The following EFCAB6 variants were observed in gnomAD, a reference collection of about 807,000 sequenced individuals.
EFCAB6 encodes the protein EF-hand calcium-binding domain-containing protein 6.
EFCAB6 carries 156 observed loss-of-function variants against 169.8 expected under a neutral mutation model. The observed-to-expected ratio is 0.92, with a 90% CI of 0.81 to 1.05. The LOEUF is 1.05. Among genes scored for constraint, EFCAB6 ranks in the 50% least tolerant of loss-of-function variants. The probability of loss-of-function intolerance (pLI) is 0.00; values close to 1 mark genes in which losing one functional copy is unlikely to be tolerated. For synonymous variants in EFCAB6, 698 were observed against 676.4 expected, an observed-to-expected ratio of 1.03 and a Z score of -0.50; for missense variants, 1,800 against 1,829.1, an observed-to-expected ratio of 0.98 and a Z score of 0.29.
intron 12 of EFCAB6, among the ~76,000 whole-genome samples, chr22:43,682,588 T>A (rs2058047235): frequency 2.0e-5 from 3 of 152,266 alleles, no homozygotes; most frequent in African/African-American, 7.2e-5. Context: ...CCCTGACCAG[T>A]GCTGGAGTGT....
In EFCAB6 at chr22:43,540,247, A is replaced by G; in HGVS notation, c.3759T>C (p.Gly1253=). ...TCCCTCTCTGGGCCACGGCCGAGTCACCAGTGGCCATTGGTGTGGCTGCTG... is the reference window on the plus strand; with the variant it reads ...TCCCTCTCTGGGCCACGGCCGAGTCGCCAGTGGCCATTGGTGTGGCTGCTG... ...SETAATPMAT[G]DSAVAQRGSS... The change falls in exon 28 of 32, where the codon GGT becomes GGC. Residue 1253 remains glycine (G), a synonymous_variant. Transcript: ENST00000262726. The G allele has an allele frequency of 1.2e-6, 2 of 1,614,212 alleles. No individual in the cohort carries two copies. Among genetic ancestry groups the G allele is most frequent in the South Asian group, 2.2e-5 (2 of 91,088 alleles).
rs755145571 is a variant in EFCAB6 at position 43,590,248 on chromosome 22, C to T, written c.2877-19G>A. The stretch of plus-strand genomic sequence containing the variant: ...CTTATCCCTGAAAGAGAGTACATTG[C>T]AGACATACCCTAAAATCAGGAAAAC... On this transcript the variant is annotated intron_variant, in intron 23 of 31. Coordinates refer to ENST00000262726, the MANE Select transcript of EFCAB6 (RefSeq NM_022785.4). 6 of 1,604,312 alleles carry T rather than the reference C, an allele frequency of 3.7e-6. No homozygotes were observed. In the Admixed American group the frequency reaches 8.6e-5, roughly 23 times the overall value.
chr22:43,677,931 A>G, intron 13 of EFCAB6, 65 bp downstream of exon 13: 1 of 1,509,456 alleles, frequency 6.6e-7, no homozygotes, highest in Non-Finnish European at 9.0e-7. Context: ...TGCATCTCTT[A>G]TTAGGAATAC....
chr22:43,544,145 A>G (rs1282996192), intron 27 of EFCAB6, among the ~76,000 whole-genome samples: 1 of 147,142 alleles, frequency 6.8e-6, no homozygotes, highest in African/African-American at 2.5e-5. Context: ...CACGCCCACA[A>G]CTCTTCCCCA....
intron 24 of EFCAB6, among the ~76,000 whole-genome samples, chr22:43,587,882 G>A (rs5764598): frequency 0.73 from 111,321 of 152,118 alleles, 40,872 homozygotes; most frequent in Admixed American, 0.8. Flanking sequence ...GTCTTCTCTC[G>A]TTGGGTTGCC....
chr22:43,548,583 A>T (rs2048209780), intron 27 of EFCAB6, among the ~76,000 whole-genome samples: 1 of 145,670 alleles, frequency 6.9e-6, no homozygotes. Context: ...TCAACTCAGT[A>T]GGAGGCTATA....
chr22:43,794,699 T>C (rs902171450), intron 2 of EFCAB6, among the ~76,000 whole-genome samples: 55 of 152,250 alleles, frequency 3.6e-4, no homozygotes, highest in Middle Eastern at 3.4e-3. Flanking sequence ...CTACATACAG[T>C]TCTAATCAAA....
intron 11 of EFCAB6, 24 bp downstream of exon 11, chr22:43,687,444 TTTG>T (rs1341046768): frequency 3.1e-6 from 4 of 1,271,832 alleles, no homozygotes; most frequent in East Asian, 2.6e-5. Context: ...GTAACTAAAA[TTTG>T]TTTTTTTTTT....
At chr22:43,566,049 T>C (rs1259451533) in intron 26 of EFCAB6, among the ~76,000 whole-genome samples, 1 of 148,796 alleles carries the variant, frequency 6.7e-6, no homozygotes, top group Admixed American at 6.7e-5. Flanking sequence ...AAAATCCAGA[T>C]GAAAATAAAG....
chr22:43,614,054 G>A (rs1381167275), intron 21 of EFCAB6, among the ~76,000 whole-genome samples: 1 of 151,682 alleles, frequency 6.6e-6, no homozygotes, highest in Non-Finnish European at 1.5e-5. Flanking sequence ...TTATGGATAG[G>A]AAGGCTCAAT....
chr22:43,693,084 T>C (rs1299947255), intron 10 of EFCAB6, among the ~76,000 whole-genome samples: 1 of 152,126 alleles, frequency 6.6e-6, no homozygotes, highest in Non-Finnish European at 1.5e-5. Context: ...TGGAACAATG[T>C]CATAAAGTGC....
chr22:43,664,246 C>G (rs2057139827), intron 17 of EFCAB6, among the ~76,000 whole-genome samples: 1 of 152,304 alleles, frequency 6.6e-6, no homozygotes, highest in Admixed American at 6.5e-5. Flanking sequence ...ATGCCCATGT[C>G]CATCAGTCCT....
intron 6 of EFCAB6, among the ~76,000 whole-genome samples, chr22:43,751,553 G>A (rs1435943481): frequency 2.0e-5 from 3 of 152,226 alleles, no homozygotes; most frequent in Non-Finnish European, 4.4e-5. Context: ...GGACCCCACA[G>A]GCAGACAGGG....
intron 6 of EFCAB6, among the ~76,000 whole-genome samples, chr22:43,747,802 C>A (rs573369721): frequency 1.3e-5 from 2 of 152,256 alleles, no homozygotes; most frequent in African/African-American, 2.4e-5. Flanking sequence ...CCCTGGGTAC[C>A]TCCCCAGTAG....
intron 17 of EFCAB6, among the ~76,000 whole-genome samples, chr22:43,637,220 T>C (rs933185884): frequency 2.0e-5 from 3 of 152,192 alleles, no homozygotes; most frequent in Non-Finnish European, 2.9e-5. Context: ...CAGGTTTTGA[T>C]AGGGTGAGGG....
chr22:43,723,028 T>C (rs2059594720), intron 8 of EFCAB6, among the ~76,000 whole-genome samples: 1 of 152,190 alleles, frequency 6.6e-6, no homozygotes, highest in Non-Finnish European at 1.5e-5. Context: ...CCAACCCTAA[T>C]GGATGACTTT....
chr22:43,741,222 G>A (rs550030517), intron 6 of EFCAB6, among the ~76,000 whole-genome samples: 8 of 150,410 alleles, frequency 5.3e-5, no homozygotes, highest in Admixed American at 6.7e-5. Context: ...CACGGTCTCC[G>A]GGCTCTGGGC....
At chr22:43,600,959 C>T (rs1357415972) in intron 22 of EFCAB6, among the ~76,000 whole-genome samples, 1 of 152,144 alleles carries the variant, frequency 6.6e-6, no homozygotes, top group African/African-American at 2.4e-5. Flanking sequence ...TGCCACACCT[C>T]GCCCGTTCGG....
At chr22:43,794,260 A>G (rs2062415967) in intron 2 of EFCAB6, among the ~76,000 whole-genome samples, 1 of 152,238 alleles carries the variant, frequency 6.6e-6, no homozygotes, top group South Asian at 2.1e-4. Context: ...TCAACTAGCA[A>G]TAACCGAGCA....
Sources: allele counts gnomAD v4.1 joint callset (sites outside exome capture counted in the v4.1 genomes callset), GRCh38; gene constraint gnomAD v4.1.1; transcripts MANE v1.5; gene names NCBI Gene and HGNC (gene_info 2026-07-23, HGNC 2026-07-21).